CLSPN: variants seen among roughly 807,000 people sequenced by gnomAD.
CLSPN encodes the protein claspin, also known as claspin homolog.
In CLSPN, 85 loss-of-function variants were observed where a neutral mutation model predicts 156.3. The ratio of observed to expected loss-of-function variants is 0.54; its 90% CI spans 0.46 to 0.65. The LOEUF is 0.65. CLSPN is among the 30% of genes least tolerant of loss of function. The pLI, the probability that CLSPN is intolerant of heterozygous loss-of-function variation, is 0.00. For synonymous variants in CLSPN, 534 were observed against 542.4 expected, an observed-to-expected ratio of 0.98 and a Z score of 0.22; for missense variants, 1,407 against 1,554.9, an observed-to-expected ratio of 0.90 and a Z score of 1.60.
Position 35,748,038 on chromosome 1 carries a change from A to C in CLSPN, c.2496T>G (p.Pro832=). 5.0e-6 allele frequency: 8 copies of C among 1,610,424 alleles called. No individual in the cohort carries two copies. The highest frequency in any genetic ancestry group is 5.9e-6 in the Non-Finnish European group (7 of 1,179,052). The change falls in exon 14 of 25, where the codon CCT becomes CCG. Residue 832 remains proline (P), a synonymous_variant. Transcript: ENST00000318121. The part of the protein sequence containing the change: ...ASKSSGKLSE[P]SLPIEDSQDL... The stretch of plus-strand genomic sequence containing the variant: ...CCTGGGAATCCTCTATGGGAAGTGA[A>C]GGCTCAGACAGTTTCCCTGAACTCT...
intron 24 of CLSPN, among the ~76,000 whole-genome samples, chr1:35,724,600 C>G (rs1641138545): frequency 1.3e-5 from 2 of 152,200 alleles, no homozygotes; most frequent in Non-Finnish European, 2.9e-5. Context: ...TGTCAACTTC[C>G]CCACATGGCT....
intron 16 of CLSPN, 128 bp from the exon 17 acceptor site, chr1:35,743,658 C>CCTG: frequency 1.5e-6 from 1 of 654,266 alleles, no homozygotes. Flanking sequence ...CAGTCTTGGT[C>CCTG]TCTTACACCA....
chr1:35,726,152 C>CAAAAAAAAAG, intron 24 of CLSPN, among the ~76,000 whole-genome samples: 1 of 48,204 alleles, frequency 2.1e-5, no homozygotes, highest in East Asian at 5.5e-4. Flanking sequence ...CAGATGCAGA[C>CAAAAAAAAAG]AAAAAAAAAA....
chr1:35,732,618 A>G lies in CLSPN; in HGVS notation c.*3878T>C, dbSNP rs1641344068. ...AAGTGTATGGAACAAGGAAGAAACA[A>G]AAACACTGACACTGAGCCTACCCTA... On this transcript the variant is annotated 3_prime_UTR_variant, in exon 25 of 25. Coordinates refer to ENST00000318121, the MANE Select transcript of CLSPN (RefSeq NM_022111.4). 1.0e-6 allele frequency: 1 copy of G among 985,336 alleles called. No homozygotes were observed. Among genetic ancestry groups the G allele is most frequent in the Admixed American group, 6.1e-5 (1 of 16,268 alleles). The allele number at this position is 985,336 out of a possible 1,614,324, so 61.0% of individuals were successfully genotyped here.
chr1:35,764,199 A>C, intron 3 of CLSPN, 67 bp downstream of exon 3: 1 of 960,522 alleles, frequency 1.0e-6, no homozygotes, highest in Non-Finnish European at 1.5e-6. Flanking sequence ...AACCTCAAGT[A>C]CTAACAGCAA....
Position 35,734,764 on chromosome 1 carries a change from A to G in CLSPN, c.*1732T>C. 1.0e-6 allele frequency: 1 copy of G among 984,922 alleles called. No individual in the cohort carries two copies. Among genetic ancestry groups the G allele is most frequent in the Non-Finnish European group, 1.2e-6 (1 of 829,512 alleles). The allele number at this position is 984,922 out of a possible 1,614,324, so 61.0% of individuals were successfully genotyped here. The stretch of plus-strand genomic sequence containing the variant: ...AAAAACCTACAACCTAATTGCATCA[A>G]TTAAATTGGTGTTCCCATCTCCCAG... On this transcript the variant is annotated 3_prime_UTR_variant, in exon 25 of 25. Coordinates refer to ENST00000318121, the MANE Select transcript of CLSPN (RefSeq NM_022111.4).
rs1641336040 is a variant in CLSPN at position 35,732,254 on chromosome 1, T to G, written c.*4242A>C. ...TAATCAAATAGTATCATGGGAACAC[T>G]CCTCCCAGAAATACTCTCCTCTATC... On this transcript the variant is annotated 3_prime_UTR_variant, in exon 25 of 25. Coordinates refer to ENST00000318121, the MANE Select transcript of CLSPN (RefSeq NM_022111.4). The G allele has an allele frequency of 1.0e-6, 1 of 984,998 alleles. No homozygotes were observed. 61.0% of individuals were successfully genotyped at this position (984,998 alleles called of 1,614,324 possible).
chr1:35,731,412 G>A (rs1206170556), downstream of CLSPN, among the ~76,000 whole-genome samples: 2 of 152,124 alleles, frequency 1.3e-5, no homozygotes, highest in Non-Finnish European at 2.9e-5. Flanking sequence ...TAGACAGCAG[G>A]TTGGGAGGCA....
chr1:35,768,931 AT>A (rs979595643), intron 1 of CLSPN, among the ~76,000 whole-genome samples: 2 of 152,166 alleles, frequency 1.3e-5, no homozygotes, highest in African/African-American at 4.8e-5. Context: ...TTAATGCAAT[AT>A]TTTTTAAAAA....
chr1:35,743,112 G>C, intron 18 of CLSPN, 29 bp downstream of exon 18: 1 of 1,564,118 alleles, frequency 6.4e-7, no homozygotes, highest in African/African-American at 1.4e-5. Context: ...AAATACACCT[G>C]AAGGAATGGA....
At chr1:35,758,805 T>C (rs1227245277) in intron 8 of CLSPN, among the ~76,000 whole-genome samples, 1 of 150,182 alleles carries the variant, frequency 6.7e-6, no homozygotes, top group Non-Finnish European at 1.5e-5. Context: ...CTTTTTCTTT[T>C]TTTTTTTTTT....
At position 35,734,251 on chromosome 1, in the gene CLSPN, T is replaced by G; in HGVS notation, c.*2245A>C. The G allele has an allele frequency of 1.0e-6, 1 of 985,374 alleles. No homozygotes were observed. The highest frequency in any genetic ancestry group is 1.2e-6 in the Non-Finnish European group (1 of 829,908). The allele number at this position is 985,374 out of a possible 1,614,324, so 61.0% of individuals were successfully genotyped here. On this transcript the variant is annotated 3_prime_UTR_variant, in exon 25 of 25. Coordinates refer to ENST00000318121, the MANE Select transcript of CLSPN (RefSeq NM_022111.4). The stretch of plus-strand genomic sequence containing the variant: ...GAGCATTCAAGCTGGACAGCAAATC[T>G]TCCCTTCAAGGCATTAAGATTTATT...
In CLSPN at chr1:35,753,794, A is replaced by G. The variant is rs1642179250; in HGVS notation, c.1722T>C (p.Pro574=). 1 of 1,614,106 alleles carries G rather than the reference A, an allele frequency of 6.2e-7. No individual in the cohort carries two copies. Among genetic ancestry groups the G allele is most frequent in the African/African-American group, 1.3e-5 (1 of 74,934 alleles). ...CCAACTTCTTAGGTGCTAAAGTCACAGGTACCACATCTGCTTTTAGCTCTT... is the reference window on the plus strand; with the variant it reads ...CCAACTTCTTAGGTGCTAAAGTCACGGGTACCACATCTGCTTTTAGCTCTT... The part of the protein sequence containing the change: ...GKEELKADVV[P]VTLAPKKLDG... Residue 574 remains proline, a synonymous_variant, in exon 9 of 25, where the codon CCT becomes CCC. Coordinates refer to ENST00000318121, the MANE Select transcript of CLSPN (RefSeq NM_022111.4).
Position 35,764,393 on chromosome 1 carries a change from T to C in CLSPN, c.455A>G (p.Lys152Arg), listed in dbSNP as rs1166299923. 3 of 1,613,762 alleles carry C rather than the reference T, an allele frequency of 1.9e-6. No individual in the cohort carries two copies. Among genetic ancestry groups the C allele is most frequent in the Admixed American group, 3.3e-5 (2 of 59,966 alleles). ...TDFTTDRKSS[K>R]KHIHDKEGTA... ...TCCTTCTTTATCATGTATGTGCTTT[T>C]TGGAACTCTTTCTGTCAGTGGTAAA... Residue 152 changes from lysine to arginine, a missense_variant, in exon 3 of 25, where the codon AAA (lysine) becomes AGA (arginine). Around this residue, in one of 3 missense-constraint regions of CLSPN, gnomAD observed 1,096 missense variants for 1,193.0 expected, o/e 0.92. Coordinates refer to ENST00000318121, the MANE Select transcript of CLSPN (RefSeq NM_022111.4).
intron 15 of CLSPN, 91 bp from the exon 16 acceptor site, chr1:35,745,653 G>C: frequency 1.2e-6 from 1 of 858,898 alleles, no homozygotes; most frequent in Non-Finnish European, 1.9e-6. Context: ...GCTCGATACA[G>C]TTCTAAGGTA....
chr1:35,757,726 G>C (rs1476285876), intron 8 of CLSPN, among the ~76,000 whole-genome samples: 1 of 152,152 alleles, frequency 6.6e-6, no homozygotes, highest in Non-Finnish European at 1.5e-5. Flanking sequence ...CAGTGTTCCG[G>C]ACAACAGCTT....
Position 35,736,649 on chromosome 1 carries a change from T to C in CLSPN, c.3910-43A>G, listed in dbSNP as rs772453507. 3.8e-6 allele frequency: 6 copies of C among 1,561,714 alleles called. No homozygotes were observed. The African/African-American group carries it at 6.9e-5, about 18-fold the overall frequency. On this transcript the variant is annotated intron_variant, in intron 24 of 24. Transcript: ENST00000318121. The stretch of plus-strand genomic sequence containing the variant: ...AGTCAGGGCCAGCTAAAGACCTTCA[T>C]ACAAGTATTTACCTTCAATTAGCTC...
In CLSPN at chr1:35,760,988, T is replaced by C. The variant is rs373770612; in HGVS notation, c.1005-72A>G. On this transcript the variant is annotated intron_variant, in intron 7 of 24. Coordinates refer to ENST00000318121, the MANE Select transcript of CLSPN (RefSeq NM_022111.4). ...AAACATTCTCATCCCTTAGTATATA[T>C]CAGTTAAATCAGTTTTAAGGGAGTG... is the stretch of plus-strand genomic sequence containing the variant. 1.3e-5 allele frequency: 18 copies of C among 1,397,366 alleles called. No homozygotes were observed. In the African/African-American group the frequency reaches 2.3e-4, roughly 18 times the overall value. The allele number at this position is 1,397,366 out of a possible 1,614,324, so 86.6% of individuals were successfully genotyped here.
In CLSPN at chr1:35,752,893, T is replaced by C. The variant is rs565486086; in HGVS notation, c.1771+852A>G. ...CGGTATATGGATAAAAATACTCCTATAAAGACATACAAGAAATTGTTAATA... is the reference window on the plus strand; with the variant it reads ...CGGTATATGGATAAAAATACTCCTACAAAGACATACAAGAAATTGTTAATA... On this transcript the variant is annotated intron_variant, in intron 9 of 24. Coordinates refer to ENST00000318121, the MANE Select transcript of CLSPN (RefSeq NM_022111.4). Among the ~76,000 whole-genome samples, 5 of 152,306 alleles carry C rather than the reference T, an allele frequency of 3.3e-5. No homozygotes were observed. In the East Asian group the frequency reaches 9.6e-4, roughly 29 times the overall value.
Sources: allele counts gnomAD v4.1 joint callset (sites outside exome capture counted in the v4.1 genomes callset), GRCh38; gene constraint gnomAD v4.1.1; regional missense constraint gnomAD v4.1.1; transcripts MANE v1.5; gene names NCBI Gene and HGNC (gene_info 2026-07-23, HGNC 2026-07-21).